DYSF: variants seen among roughly 807,000 people sequenced by gnomAD.
DYSF encodes dysferlin.
Under a neutral mutation model 274.9 loss-of-function variants are expected in DYSF, and 212 were observed. That is an observed-to-expected ratio of 0.77 (90% CI 0.69 to 0.86). The LOEUF (loss-of-function observed/expected upper bound fraction) is 0.86, where lower values mean the gene tolerates loss of function less well. Among genes scored for constraint, DYSF ranks in the 40% least tolerant of loss-of-function variants. The pLI, the probability that DYSF is intolerant of heterozygous loss-of-function variation, is 0.00. For missense variants in DYSF, 2,666 were observed against 2,783.2 expected, an observed-to-expected ratio of 0.96 and a Z score of 0.95; for synonymous variants, 1,091 against 1,078.7, an observed-to-expected ratio of 1.01 and a Z score of -0.22.
chr2:71,580,696 C>G (rs2092864412), intron 30 of DYSF, among the ~76,000 whole-genome samples: 1 of 152,176 alleles, frequency 6.6e-6, no homozygotes, highest in African/African-American at 2.4e-5. Context: ...TGTTCTATAC[C>G]TGGCATTGTG....
At chr2:71,568,535 G>C (rs1440849763) in intron 26 of DYSF, among the ~76,000 whole-genome samples, 197 bp downstream of exon 26, 1 of 152,034 alleles carries the variant, frequency 6.6e-6, no homozygotes, top group Non-Finnish European at 1.5e-5. Context: ...TGGATGGTCA[G>C]ACAGTCCTTT....
At chr2:71,634,091 G>A (rs1170184670) in intron 41 of DYSF, among the ~76,000 whole-genome samples, 2 of 152,210 alleles carry the variant, frequency 1.3e-5, no homozygotes, top group African/African-American at 4.8e-5. Flanking sequence ...AGCTGAAACT[G>A]GAGAGGCTTC....
At chr2:71,618,181 G>C (rs1189963797) in intron 40 of DYSF, among the ~76,000 whole-genome samples, 1 of 91,184 alleles carries the variant, frequency 1.1e-5, no homozygotes, top group East Asian at 3.9e-4. Context: ...GTAGAGGTGG[G>C]GTATAAGTGT....
upstream of DYSF, among the ~76,000 whole-genome samples, chr2:71,463,814 G>A (rs74776753): frequency 0.034 from 5,134 of 152,238 alleles, 166 homozygotes; most frequent in African/African-American, 0.082. Context: ...ACCAATAGCC[G>A]TTGCCAAGAA....
At chr2:71,567,231 A>C (rs1487436119) in intron 24 of DYSF, among the ~76,000 whole-genome samples, 2 of 152,198 alleles carry the variant, frequency 1.3e-5, no homozygotes, top group Non-Finnish European at 2.9e-5. Context: ...TCAGGAAAAA[A>C]AGCAGTTGAA....
Position 71,520,874 on chromosome 2 carries a change from T to G in DYSF, c.1119T>G (p.Leu373=), listed in dbSNP as rs1375328091. 6.2e-7 allele frequency: 1 copy of G among 1,614,088 alleles called. No homozygotes were observed. The highest frequency in any genetic ancestry group is 1.1e-5 in the South Asian group (1 of 91,074). The stretch of plus-strand genomic sequence containing the variant: ...CCAGAGGCTACCTGAAAACAAGCCT[T>G]TGTGTGCTGGGGCCTGGGGACGAAG... ...AGARGYLKTS[L]CVLGPGDEAP... The change falls in exon 12 of 56, where the codon CTT becomes CTG. Residue 373 remains leucine, a synonymous_variant. Transcript: ENST00000410020.
intron 3 of DYSF, among the ~76,000 whole-genome samples, chr2:71,490,200 A>T (rs12465039): frequency 0.1 from 15,215 of 152,250 alleles, 929 homozygotes; most frequent in Admixed American, 0.18. Flanking sequence ...GTATAAAAAA[A>T]CCTAAGTAAT....
chr2:71,678,578 G>A (rs1573171792), intron 52 of DYSF, among the ~76,000 whole-genome samples: 1 of 152,152 alleles, frequency 6.6e-6, no homozygotes, highest in East Asian at 1.9e-4. Flanking sequence ...GTTTTTGTTT[G>A]GGGGATGGAA....
At chr2:71,592,552 C>T (rs1013931605) in intron 32 of DYSF, among the ~76,000 whole-genome samples, 6 of 152,206 alleles carry the variant, frequency 3.9e-5, no homozygotes, top group South Asian at 4.1e-4. Context: ...GGCTGGCGGC[C>T]GGAGGCTGTG....
intron 41 of DYSF, among the ~76,000 whole-genome samples, chr2:71,625,127 ATAGAT>A (rs202025855): frequency 0.012 from 1,810 of 151,702 alleles, 30 homozygotes; most frequent in African/African-American, 0.041. Context: ...TGATATTATA[ATAGAT>A]TAGTTTCTTT....
chr2:71,545,882 C>T (rs1258665836), intron 17 of DYSF, among the ~76,000 whole-genome samples: 1 of 152,206 alleles, frequency 6.6e-6, no homozygotes, highest in African/African-American at 2.4e-5. Context: ...AGATGGCGCT[C>T]AGGTCACGGG....
At chr2:71,531,474 C>T (rs543799433) in intron 14 of DYSF, among the ~76,000 whole-genome samples, 5 of 151,948 alleles carry the variant, frequency 3.3e-5, no homozygotes, top group South Asian at 2.1e-4. Context: ...TCTGCCTCCC[C>T]GCTCCAACTC....
intron 3 of DYSF, among the ~76,000 whole-genome samples, chr2:71,500,323 G>C (rs1353359418): frequency 6.6e-6 from 1 of 152,144 alleles, no homozygotes; most frequent in African/African-American, 2.4e-5. Flanking sequence ...ACCACAGCCT[G>C]CTCCTTACAC....
intron 29 of DYSF, among the ~76,000 whole-genome samples, chr2:71,571,435 CAGATCACACCCAGCACACACACAG>C (rs2092438745): frequency 1.0e-5 from 1 of 100,328 alleles, no homozygotes; most frequent in African/African-American, 2.9e-5. Context: ...TCAGCACACA[CAGATCACACCCAGCACACACACAG>C]ATCACACCCA....
intron 41 of DYSF, among the ~76,000 whole-genome samples, chr2:71,625,719 G>A (rs938382232): frequency 6.6e-6 from 1 of 152,086 alleles, no homozygotes; most frequent in Non-Finnish European, 1.5e-5. Flanking sequence ...GAGTTATAGT[G>A]AATTGCTGGA....
intron 21 of DYSF, among the ~76,000 whole-genome samples, chr2:71,555,559 C>T (rs1001323557): frequency 9.2e-5 from 14 of 152,090 alleles, no homozygotes; most frequent in African/African-American, 3.4e-4. Flanking sequence ...GTCTGAGCCT[C>T]ATTGGGTGGT....
intron 14 of DYSF, among the ~76,000 whole-genome samples, chr2:71,528,935 A>AC (rs1449922219): frequency 6.7e-6 from 1 of 149,224 alleles, no homozygotes; most frequent in African/African-American, 2.5e-5. Context: ...CAGGCTGCCC[A>AC]CCCCCCAGTG....
At chr2:71,618,040 GT>G (rs2093951571) in intron 40 of DYSF, among the ~76,000 whole-genome samples, 11 of 26,268 alleles carry the variant, frequency 4.2e-4, no homozygotes, top group Admixed American at 8.2e-4. Flanking sequence ...GGTAGAGATG[GT>G]GTGTGTGTGT....
At chr2:71,570,777 T>C in intron 29 of DYSF, 36 bp downstream of exon 29, 1 of 1,611,774 alleles carries the variant, frequency 6.2e-7, no homozygotes, top group Non-Finnish European at 8.5e-7. Context: ...GTGAGGCCTG[T>C]GGTCACAGGT....
Sources: gnomAD v4.1 joint callset for allele counts (sites outside exome capture counted in the v4.1 genomes callset) on GRCh38, gnomAD v4.1.1 for gene constraint, MANE v1.5 for transcripts, NCBI Gene and HGNC (gene_info 2026-07-23, HGNC 2026-07-21) for gene names.